CSNK2A2IP: variants seen among roughly 807,000 people sequenced by gnomAD.
The protein encoded by CSNK2A2IP is casein kinase 2 subunit alpha' interacting protein, also known as casein kinase II subunit alpha'-interacting protein.
At chr3:88,405,149 T>C in the CSNK2A2IP span, among the ~76,000 whole-genome samples, 1 of 152,148 alleles carries the variant, frequency 6.6e-6, no homozygotes, top group Non-Finnish European at 1.5e-5. Context: ...CATGCTGTAT[T>C]TGGAGTCGAG....
chr3:88,464,151 C>G, the CSNK2A2IP span, among the ~76,000 whole-genome samples: 2 of 107,072 alleles, frequency 1.9e-5, no homozygotes, highest in African/African-American at 7.5e-5. Context: ...CATCACACAC[C>G]GGGGACTGTT....
the CSNK2A2IP span, among the ~76,000 whole-genome samples, chr3:88,429,996 C>T: frequency 0.7 from 105,523 of 150,918 alleles, 37,548 homozygotes; most frequent in South Asian, 0.79. Context: ...CTCCTGACCT[C>T]GTGATCCTCC....
chr3:88,467,208 T>C, the CSNK2A2IP span: 1 of 400,644 alleles, frequency 2.5e-6, no homozygotes, highest in Non-Finnish European at 4.4e-6. Context: ...CCTCCTCCAC[T>C]TCCTCCTCCT....
At chr3:88,416,487 A>G in the CSNK2A2IP span, among the ~76,000 whole-genome samples, 3 of 152,178 alleles carry the variant, frequency 2.0e-5, no homozygotes, top group African/African-American at 7.2e-5. Context: ...TTGAACCTTC[A>G]GATAAACAGA....
chr3:88,465,166 T>G, the CSNK2A2IP span: 6 of 396,642 alleles, frequency 1.5e-5, no homozygotes, highest in Non-Finnish European at 2.6e-5. Flanking sequence ...ACAATCTTTT[T>G]CAATCTCATC....
the CSNK2A2IP span, among the ~76,000 whole-genome samples, chr3:88,357,013 C>A: frequency 2.0e-5 from 3 of 151,962 alleles, no homozygotes; most frequent in Non-Finnish European, 2.9e-5. Flanking sequence ...GGTTATTAAT[C>A]CTTTGTCAGT....
At chr3:88,461,169 T>C in the CSNK2A2IP span, among the ~76,000 whole-genome samples, 3 of 152,224 alleles carry the variant, frequency 2.0e-5, no homozygotes, top group African/African-American at 4.8e-5. Context: ...TCGTAATTAC[T>C]GAAGAACTAT....
chr3:88,395,208 T>C, the CSNK2A2IP span, among the ~76,000 whole-genome samples: 1 of 152,300 alleles, frequency 6.6e-6, no homozygotes, highest in Admixed American at 6.5e-5. Flanking sequence ...TTTTTATGAA[T>C]TCCAATTATC....
At chr3:88,345,495 T>A in the CSNK2A2IP span, among the ~76,000 whole-genome samples, 1 of 152,040 alleles carries the variant, frequency 6.6e-6, no homozygotes, top group Admixed American at 6.6e-5. Context: ...AGTGCCATTT[T>A]TTCATCAGCA....
the CSNK2A2IP span, among the ~76,000 whole-genome samples, chr3:88,375,509 G>A: frequency 6.6e-6 from 1 of 151,672 alleles, no homozygotes; most frequent in African/African-American, 2.4e-5. Context: ...TTTGTGATAG[G>A]TCTGTCAGTG....
At chr3:88,369,764 CCA>C in the CSNK2A2IP span, among the ~76,000 whole-genome samples, 1 of 151,620 alleles carries the variant, frequency 6.6e-6, no homozygotes, top group Non-Finnish European at 1.5e-5. Context: ...CATTCCCTGG[CCA>C]CACACAGTTT....
chr3:88,446,040 T>TTCTCTCTC, the CSNK2A2IP span, among the ~76,000 whole-genome samples: 1 of 37,816 alleles, frequency 2.6e-5, no homozygotes, highest in East Asian at 5.5e-4. Context: ...TTTTCTTTCT[T>TTCTCTCTC]TCTTTCTTTC....
chr3:88,428,875 C>T, the CSNK2A2IP span, among the ~76,000 whole-genome samples: 2 of 151,860 alleles, frequency 1.3e-5, no homozygotes, highest in East Asian at 1.9e-4. Flanking sequence ...ATATAATTGA[C>T]TAATGATATC....
chr3:88,452,441 T>G, the CSNK2A2IP span, among the ~76,000 whole-genome samples: 2 of 152,174 alleles, frequency 1.3e-5, no homozygotes, highest in Admixed American at 6.5e-5. Flanking sequence ...GCACTCCACA[T>G]GCTAAGCCCA....
At chr3:88,411,715 A>C in the CSNK2A2IP span, among the ~76,000 whole-genome samples, 1 of 151,834 alleles carries the variant, frequency 6.6e-6, no homozygotes, top group Non-Finnish European at 1.5e-5. Flanking sequence ...TTAAATCTAA[A>C]TATATGCTAA....
the CSNK2A2IP span, among the ~76,000 whole-genome samples, chr3:88,419,910 T>G: frequency 1.3e-5 from 2 of 152,180 alleles, no homozygotes; most frequent in East Asian, 3.9e-4. Flanking sequence ...GAGAAGGATA[T>G]TCTTAGATCC....
chr3:88,346,581 G>C, the CSNK2A2IP span, among the ~76,000 whole-genome samples: 1 of 151,904 alleles, frequency 6.6e-6, no homozygotes, highest in Non-Finnish European at 1.5e-5. Context: ...GAACAACAAA[G>C]AACTGGATGA....
the CSNK2A2IP span, among the ~76,000 whole-genome samples, chr3:88,344,867 T>C: frequency 3.9e-5 from 6 of 151,986 alleles, no homozygotes; most frequent in Non-Finnish European, 8.8e-5. Context: ...AATTGTGTAC[T>C]CCATCCCACA....
chr3:88,423,464 G>T, the CSNK2A2IP span, among the ~76,000 whole-genome samples: 10 of 152,232 alleles, frequency 6.6e-5, no homozygotes, highest in African/African-American at 2.4e-4. Flanking sequence ...TCAATGCACA[G>T]ACTTTGGAAG....
Sources: gnomAD v4.1 joint callset for allele counts (sites outside exome capture counted in the v4.1 genomes callset) on GRCh38, gnomAD v4.1.1 for gene constraint, MANE v1.5 for transcripts, NCBI Gene and HGNC (gene_info 2026-07-23, HGNC 2026-07-21) for gene names.